Variants in DDI2 observed in about 807,000 individuals in gnomAD.
DDI2 encodes the protein protein DDI1 homolog 2.
Under a neutral mutation model 48.1 loss-of-function variants are expected in DDI2, and 5 were observed. That is an observed-to-expected ratio of 0.10 (90% CI 0.05 to 0.22). The LOEUF (loss-of-function observed/expected upper bound fraction) is 0.22, where lower values mean the gene tolerates loss of function less well. Ranked by LOEUF, DDI2 falls within the 10% of genes least tolerant of loss-of-function variation. The pLI, the probability that DDI2 is intolerant of heterozygous loss-of-function variation, is 1.00. For missense variants in DDI2, 285 were observed against 506.2 expected, an observed-to-expected ratio of 0.56 and a Z score of 4.19; for synonymous variants, 205 against 183.6, an observed-to-expected ratio of 1.12 and a Z score of -0.94.
rs1640353829 is a variant in DDI2, at chr1:15,660,590, G to A, written c.*800G>A. ...AGTATTCCATCTTCAGAATGCAGTG[G>A]CTGCTCAAATTCAGAAACATTTATG... On this transcript the variant is annotated 3_prime_UTR_variant, in exon 10 of 10. Coordinates refer to ENST00000480945, the MANE Select transcript of DDI2 (RefSeq NM_032341.5). The A allele has an allele frequency of 1.2e-6, 2 of 1,613,980 alleles. No homozygotes were observed. The highest frequency in any genetic ancestry group is 1.7e-6 in the Non-Finnish European group (2 of 1,179,970).
At chr1:15,659,406 C>G (rs1640324234) in intron 9 of DDI2, among the ~76,000 whole-genome samples, 1 of 152,154 alleles carries the variant, frequency 6.6e-6, no homozygotes, top group African/African-American at 2.4e-5. Context: ...TGGATTTACT[C>G]TCAAGTATGG....
chr1:15,645,867 CAAAA>C (rs562840511), intron 6 of DDI2, among the ~76,000 whole-genome samples: 2 of 95,706 alleles, frequency 2.1e-5, no homozygotes, highest in Admixed American at 1.3e-4. Flanking sequence ...GAACTCGTCT[CAAAA>C]AAAAAAAAAA....
intron 8 of DDI2, among the ~76,000 whole-genome samples, chr1:15,652,315 C>T (rs896078608): frequency 6.6e-5 from 10 of 151,594 alleles, no homozygotes; most frequent in African/African-American, 2.2e-4. Flanking sequence ...GCCTTGGCCT[C>T]CCGAAGTGCT....
intron 8 of DDI2, among the ~76,000 whole-genome samples, chr1:15,653,555 A>C (rs1405286181): frequency 1.3e-5 from 2 of 152,188 alleles, no homozygotes; most frequent in African/African-American, 2.4e-5. Context: ...TTAATTAAAA[A>C]AAAAATTTTT....
At chr1:15,645,246 T>C (rs1640072135) in intron 6 of DDI2, among the ~76,000 whole-genome samples, 1 of 152,214 alleles carries the variant, frequency 6.6e-6, no homozygotes, top group East Asian at 1.9e-4. Context: ...GTGTTTTGAA[T>C]TTTCACAATG....
chr1:15,625,283 G>T (rs145961007), intron 1 of DDI2, among the ~76,000 whole-genome samples: 1 of 152,130 alleles, frequency 6.6e-6, no homozygotes, highest in African/African-American at 2.4e-5. Flanking sequence ...CATGCCCCTC[G>T]CAGGGAGTTA....
chr1:15,642,958 T>G (rs1374241012), intron 5 of DDI2, among the ~76,000 whole-genome samples: 2 of 152,138 alleles, frequency 1.3e-5, no homozygotes, highest in Non-Finnish European at 2.9e-5. Flanking sequence ...TCGCAGCTAC[T>G]TGGGAGGCTG....
chr1:15,628,429 C>T (rs1162938115), intron 2 of DDI2, among the ~76,000 whole-genome samples: 1 of 152,146 alleles, frequency 6.6e-6, no homozygotes, highest in Admixed American at 6.5e-5. Flanking sequence ...TCAGGATAGT[C>T]CCAGACTTGA....
intron 8 of DDI2, 148 bp downstream of exon 8, chr1:15,652,043 CCTT>C (rs1023029517): frequency 1.8e-6 from 1 of 554,370 alleles, no homozygotes; most frequent in Non-Finnish European, 2.6e-6. Flanking sequence ...TTCTTAACCT[CCTT>C]CTTTGATCTT....
chr1:15,661,714 C>A lies in DDI2; in HGVS notation c.*1924C>A. ...TTTGCTCGCAAAAAACATCGTAGTT[C>A]CTACATGACTGTGGGAAAGTGGGCT... On this transcript the variant is annotated 3_prime_UTR_variant, in exon 10 of 10. Transcript: ENST00000480945. 6.2e-7 allele frequency: 1 copy of A among 1,606,228 alleles called. No individual in the cohort carries two copies. Among genetic ancestry groups the A allele is most frequent in the South Asian group, 1.1e-5 (1 of 90,180 alleles).
At chr1:15,658,735 C>T (rs2148306024) in intron 9 of DDI2, among the ~76,000 whole-genome samples, 1 of 136,918 alleles carries the variant, frequency 7.3e-6, no homozygotes, top group East Asian at 2.2e-4. Context: ...GTCTGGGCAA[C>T]AAGAGCAAAA....
In DDI2 at chr1:15,667,096, A is replaced by C. The variant is rs1010602572; in HGVS notation, c.*7306A>C. 1.3e-5 allele frequency: 2 copies of C among 151,964 alleles called. No individual in the cohort carries two copies. Among genetic ancestry groups the C allele is most frequent in the African/African-American group, 4.8e-5 (2 of 41,288 alleles). The allele number at this position is 151,964 out of a possible 1,614,324, so 9.4% of individuals were successfully genotyped here. Reference sequence around the variant, plus strand: ...GTGGCACATGCCTGTAGTCCCAGCTACTCGGGAAACTGAGGCAGAAGAATC... The same window carrying C: ...GTGGCACATGCCTGTAGTCCCAGCTCCTCGGGAAACTGAGGCAGAAGAATC... On this transcript the variant is annotated 3_prime_UTR_variant, in exon 10 of 10. Coordinates refer to ENST00000480945, the MANE Select transcript of DDI2 (RefSeq NM_032341.5).
intron 3 of DDI2, among the ~76,000 whole-genome samples, chr1:15,633,065 A>G (rs1000181848): frequency 2.0e-5 from 3 of 151,366 alleles, no homozygotes; most frequent in African/African-American, 7.3e-5. Context: ...AGTAGCTGGG[A>G]CTACAGGCAT....
chr1:15,644,597 T>G (rs1228390020), intron 6 of DDI2, among the ~76,000 whole-genome samples: 8 of 131,696 alleles, frequency 6.1e-5, no homozygotes, highest in Admixed American at 2.9e-4. Flanking sequence ...GTTTTTTTTT[T>G]TTTTTTTTTT....
chr1:15,628,261 G>A (rs1239650774), intron 2 of DDI2, among the ~76,000 whole-genome samples: 1 of 152,008 alleles, frequency 6.6e-6, no homozygotes, highest in African/African-American at 2.4e-5. Context: ...TTTTCTGGCT[G>A]GTATAGATTA....
At chr1:15,626,250 G>A (rs557526616) in intron 1 of DDI2, among the ~76,000 whole-genome samples, 2 of 152,236 alleles carry the variant, frequency 1.3e-5, no homozygotes, top group South Asian at 4.1e-4. Context: ...ATTTAATGGG[G>A]CAGAAGGACA....
chr1:15,649,253 A>G (rs1257600340), intron 6 of DDI2, among the ~76,000 whole-genome samples: 5 of 152,118 alleles, frequency 3.3e-5, no homozygotes, highest in Non-Finnish European at 1.5e-5. Flanking sequence ...AATCCCATCT[A>G]CTTGGAAGGT....
chr1:15,637,431 G>A (rs909226540), intron 4 of DDI2, among the ~76,000 whole-genome samples: 2 of 152,118 alleles, frequency 1.3e-5, no homozygotes, highest in African/African-American at 2.4e-5. Flanking sequence ...GAGTGTAGTC[G>A]TGCGATCTTG....
rs753766705 is a variant in DDI2, at chr1:15,661,621, T to G, written c.*1831T>G. ...TATTGACCGCATTCTCCGTGCTGGC[T>G]TTACTTTGCAGGAAGCTCTTGGAGC... On this transcript the variant is annotated 3_prime_UTR_variant, in exon 10 of 10. Coordinates refer to ENST00000480945, the MANE Select transcript of DDI2 (RefSeq NM_032341.5). 6.2e-7 allele frequency: 1 copy of G among 1,614,112 alleles called. No individual in the cohort carries two copies. The highest frequency in any genetic ancestry group is 1.1e-5 in the South Asian group (1 of 90,990).
Sources: allele counts gnomAD v4.1 joint callset (sites outside exome capture counted in the v4.1 genomes callset), GRCh38; gene constraint gnomAD v4.1.1; transcripts MANE v1.5; gene names NCBI Gene and HGNC (gene_info 2026-07-23, HGNC 2026-07-21).